ARFGEF1: variants seen among roughly 807,000 people sequenced by gnomAD.
The protein encoded by ARFGEF1 is ARF guanine nucleotide exchange factor 1.
Under a neutral mutation model 231.0 loss-of-function variants are expected in ARFGEF1, and 42 were observed. That is an observed-to-expected ratio of 0.18 (90% CI 0.14 to 0.24). The LOEUF (loss-of-function observed/expected upper bound fraction) is 0.24, where lower values mean the gene tolerates loss of function less well. Ranked by LOEUF, ARFGEF1 falls within the 10% of genes least tolerant of loss-of-function variation. ARFGEF1 has a pLI of 1.00. For missense variants in ARFGEF1, 1,345 were observed against 2,192.0 expected (o/e 0.61, Z 7.72); for synonymous variants, 710 against 732.3 (o/e 0.97, Z 0.49).
intron 7 of ARFGEF1, among the ~76,000 whole-genome samples, chr8:67,279,237 C>T (rs1368785380): frequency 1.3e-5 from 2 of 152,192 alleles, no homozygotes; most frequent in Non-Finnish European, 2.9e-5. Context: ...TTTCTCTCTG[C>T]ACCCAATTAC....
intron 1 of ARFGEF1, among the ~76,000 whole-genome samples, chr8:67,307,738 TC>T (rs1806816016): frequency 6.6e-6 from 1 of 152,036 alleles, no homozygotes; most frequent in African/African-American, 2.4e-5. Flanking sequence ...TGACTATATT[TC>T]CCAAAACGAC....
chr8:67,302,364 T>A (rs934148160), intron 2 of ARFGEF1, 72 bp downstream of exon 2: 1 of 1,209,122 alleles, frequency 8.3e-7, no homozygotes, highest in African/African-American at 1.5e-5. Flanking sequence ...AAAATACAGA[T>A]GACTATATTA....
At chr8:67,235,167 TTAA>T (rs775231129) in intron 22 of ARFGEF1, among the ~76,000 whole-genome samples, 1 of 149,906 alleles carries the variant, frequency 6.7e-6, no homozygotes, top group Non-Finnish European at 1.5e-5. Flanking sequence ...TTTAAAATCA[TTAA>T]TAATAAAATA....
rs551123164 is a variant in ARFGEF1 at position 67,261,484 on chromosome 8, T to C, written c.2124-1558A>G. On this transcript the variant is annotated intron_variant, in intron 14 of 38. Transcript: ENST00000262215. Reference sequence around the variant, plus strand: ...ATGACAGCACCAGCTGTTTACAACATAGATGACTGAATATTTGAAGCCCAC... The same window carrying C: ...ATGACAGCACCAGCTGTTTACAACACAGATGACTGAATATTTGAAGCCCAC... Among the ~76,000 whole-genome samples, 4 of 152,310 alleles carry C rather than the reference T, an allele frequency of 2.6e-5. No homozygotes were observed. The Middle Eastern group carries it at 0.01, about 389-fold the overall frequency.
chr8:67,251,508 G>T, intron 18 of ARFGEF1, 58 bp from the exon 19 acceptor site: 1 of 1,424,300 alleles, frequency 7.0e-7, no homozygotes, highest in Non-Finnish European at 9.3e-7. Context: ...ATTCTATTTT[G>T]ATATTTTACT....
intron 1 of ARFGEF1, among the ~76,000 whole-genome samples, chr8:67,308,470 G>GAT (rs1806847298): frequency 6.6e-6 from 1 of 152,216 alleles, no homozygotes; most frequent in Non-Finnish European, 1.5e-5. Flanking sequence ...ATGGTTAACA[G>GAT]ATATAGAGCT....
chr8:67,249,296 C>T (rs1431449866), intron 19 of ARFGEF1, among the ~76,000 whole-genome samples: 1 of 150,282 alleles, frequency 6.7e-6, no homozygotes, highest in Non-Finnish European at 1.5e-5. Flanking sequence ...ATAAAACAGG[C>T]TTTGTGTTAG....
Position 67,325,879 on chromosome 8 carries a change from T to C in ARFGEF1, c.124+17285A>G, listed in dbSNP as rs188261121. On this transcript the variant is annotated intron_variant, in intron 1 of 38. Coordinates refer to ENST00000262215, the MANE Select transcript of ARFGEF1 (RefSeq NM_006421.5). ...TTAGCTAATTTCAGGAAAGCACTTA[T>C]GAATATGAAATATGAGAAAAAGGCT... Among the ~76,000 whole-genome samples the C allele has an allele frequency of 3.9e-5, 6 of 152,290 alleles. No individual in the cohort carries two copies. The East Asian group carries it at 1.2e-3, about 29-fold the overall frequency.
chr8:67,311,797 G>C (rs1476146829), intron 1 of ARFGEF1, among the ~76,000 whole-genome samples: 2 of 152,190 alleles, frequency 1.3e-5, no homozygotes, highest in Non-Finnish European at 2.9e-5. Context: ...GAATAGAAAG[G>C]CGGGAAAGGT....
intron 1 of ARFGEF1, among the ~76,000 whole-genome samples, chr8:67,325,212 C>T (rs1011038087): frequency 6.7e-6 from 1 of 149,352 alleles, no homozygotes. Flanking sequence ...CACACCAGGC[C>T]GAAAAATCCA....
rs1839834178 is a variant in ARFGEF1, at chr8:67,238,445, C to T, written c.3187G>A (p.Gly1063Arg). ...CCAGAAATGTATCGAGGTTTCACTCCAGTTCCTATAAGCTGTGCCAGCTCC... is the reference window on the plus strand; with the variant it reads ...CCAGAAATGTATCGAGGTTTCACTCTAGTTCCTATAAGCTGTGCCAGCTCC... Reference protein sequence around the residue: ...QLELAQLIGTGVKPRYISGTV... With the variant: ...QLELAQLIGTRVKPRYISGTV... The change falls in exon 22 of 39, where the codon GGA becomes AGA. Residue 1063 changes from glycine to arginine, a missense_variant. Coordinates refer to ENST00000262215, the MANE Select transcript of ARFGEF1 (RefSeq NM_006421.5). 1.9e-6 allele frequency: 3 copies of T among 1,613,858 alleles called. No homozygotes were observed. Among genetic ancestry groups the T allele is most frequent in the African/African-American group, 1.3e-5 (1 of 74,912 alleles).
rs184194409 is a variant in ARFGEF1 at position 67,259,803 on chromosome 8, T to C, written c.2235+12A>G. On this transcript the variant is annotated intron_variant, in intron 15 of 38. Coordinates refer to ENST00000262215, the MANE Select transcript of ARFGEF1 (RefSeq NM_006421.5). ...TTTACAGAAAAGGTTAGAATGAAAA[T>C]GGTATTCTTACAGAGTCTAATCTTT... The C allele has an allele frequency of 3.3e-4, 499 of 1,530,702 alleles. 1 individual carries two copies. The African/African-American group carries it at 6.2e-3, about 19-fold the overall frequency. The allele number at this position is 1,530,702 out of a possible 1,614,324, so 94.8% of individuals were successfully genotyped here.
chr8:67,215,752 C>T (rs1838906045), intron 33 of ARFGEF1, among the ~76,000 whole-genome samples: 2 of 152,108 alleles, frequency 1.3e-5, no homozygotes, highest in Admixed American at 6.6e-5. Flanking sequence ...GATTTAGGAC[C>T]CATGGTCTTT....
chr8:67,190,605 T>C (rs773403414), intron 5 of ARFGEF1: 9 of 1,415,888 alleles, frequency 6.4e-6, no homozygotes, highest in Middle Eastern at 3.5e-4. Context: ...TGGGTAAGAT[T>C]TGAAGCAGTA....
In ARFGEF1 at chr8:67,301,378, G is replaced by C. The variant is rs144506580; in HGVS notation, c.158C>G (p.Pro53Arg). ...EIKAETEKQS[P>R]PHGEAKAGSS... is the part of the protein sequence containing the mutation. Reference sequence around the variant, plus strand: ...TCCAGCTTTTGCTTCTCCATGAGGAGGACTAAATGAGAAAGAAAAGTCTGA... The same window carrying C: ...TCCAGCTTTTGCTTCTCCATGAGGACGACTAAATGAGAAAGAAAAGTCTGA... The change falls in exon 3 of 39, where the codon CCT becomes CGT. Residue 53 changes from proline (P) to arginine (R), a missense_variant and splice_region_variant. Coordinates refer to ENST00000262215, the MANE Select transcript of ARFGEF1 (RefSeq NM_006421.5). The C allele has an allele frequency of 3.1e-6, 5 of 1,606,474 alleles. No individual in the cohort carries two copies. Among genetic ancestry groups the C allele is most frequent in the Middle Eastern group, 1.7e-4 (1 of 6,004 alleles).
chr8:67,300,010 C>CAAGGTTTTATTG (rs1340487202), intron 3 of ARFGEF1, among the ~76,000 whole-genome samples: 2 of 151,986 alleles, frequency 1.3e-5, no homozygotes, highest in Non-Finnish European at 2.9e-5. Context: ...TCCACATAAA[C>CAAGGTTTTATTG]AAGGTTTTAT....
At chr8:67,333,332 CTT>C (rs35291856) in intron 1 of ARFGEF1, among the ~76,000 whole-genome samples, 41,118 of 141,830 alleles carry the variant, frequency 0.29, 5,685 homozygotes, top group East Asian at 0.38. Flanking sequence ...CATGCCTGGC[CTT>C]TTTTTTTTTT....
downstream of ARFGEF1, chr8:67,195,669 C>CT: frequency 1.6e-6 from 2 of 1,272,562 alleles, no homozygotes; most frequent in East Asian, 2.5e-5. Context: ...ATATGTCCTA[C>CT]TTTTGGCCCC....
rs1805293278 is a variant in ARFGEF1 at position 67,275,889 on chromosome 8, G to A, written c.1337+87C>T. 6 of 1,524,544 alleles carry A rather than the reference G, an allele frequency of 3.9e-6. No homozygotes were observed. In the South Asian group the frequency reaches 7.3e-5, roughly 19 times the overall value. The allele number at this position is 1,524,544 out of a possible 1,614,324, so 94.4% of individuals were successfully genotyped here. On this transcript the variant is annotated intron_variant, in intron 9 of 38. Transcript: ENST00000262215. ...TTTTTATGGTTCTATAGGACAAAAA[G>A]AACAAAAGAAAATCCAAACATTACC... is the stretch of plus-strand genomic sequence containing the variant.
Sources: gnomAD v4.1 joint callset for allele counts (sites outside exome capture counted in the v4.1 genomes callset) on GRCh38, gnomAD v4.1.1 for gene constraint, MANE v1.5 for transcripts, NCBI Gene and HGNC (gene_info 2026-07-23, HGNC 2026-07-21) for gene names.